The following SYNE2 variants were observed in gnomAD, a reference collection of about 807,000 sequenced individuals.
The protein encoded by SYNE2 is nesprin-2.
A neutral mutation model predicts 856.3 loss-of-function variants in SYNE2; 431 were observed. The observed-to-expected ratio is 0.50, with a 90% CI of 0.47 to 0.55. The LOEUF (loss-of-function observed/expected upper bound fraction) is 0.55, where lower values mean the gene tolerates loss of function less well. Among genes scored for constraint, SYNE2 ranks in the 20% least tolerant of loss-of-function variants. SYNE2 has a pLI of 0.00. For synonymous variants in SYNE2, 2,923 were observed against 2,872.3 expected, an observed-to-expected ratio of 1.02 and a Z score of -0.56; for missense variants, 8,129 against 8,023.2, an observed-to-expected ratio of 1.01 and a Z score of -0.50.
chr14:64,216,485 C>A, intron 108 of SYNE2, 98 bp downstream of exon 108: 2 of 1,326,194 alleles, frequency 1.5e-6, no homozygotes, highest in Non-Finnish European at 2.2e-6. Context: ...TGTATTCATT[C>A]CCCAGGCATA....
At chr14:63,960,703 T>G in intron 8 of SYNE2, 1 of 755,110 alleles carries the variant, frequency 1.3e-6, no homozygotes, top group East Asian at 2.4e-5. Flanking sequence ...GCATTCACCC[T>G]TTTGTGATTT....
chr14:63,997,506 A>G (rs1051093634), intron 25 of SYNE2, 115 bp downstream of exon 25: 2 of 927,788 alleles, frequency 2.2e-6, no homozygotes, highest in Non-Finnish European at 3.4e-6. Flanking sequence ...TGTTTTTATC[A>G]ATGGAGAATT....
At position 64,024,922 on chromosome 14, in the gene SYNE2, G is replaced by T; in HGVS notation, c.5851G>T (p.Asp1951Tyr). 1.9e-6 allele frequency: 3 copies of T among 1,613,786 alleles called. No individual in the cohort carries two copies. The South Asian group carries it at 3.3e-5, about 18-fold the overall frequency. ...SLQQLLRLQD[D>Y]HRNLRKWLTN... is the part of the protein sequence containing the mutation. ...GTAATGCTCTTTTAGACTCCAGGAT[G>T]ACCATAGAAACCTGAGGAAGTGGTT... Residue 1951 changes from aspartate (D) to tyrosine (Y), a missense_variant, in exon 40 of 116, where the codon GAC (aspartate) becomes TAC (tyrosine). Transcript: ENST00000555002.
At chr14:64,191,198 A>G in intron 99 of SYNE2, 1 of 301,182 alleles carries the variant, frequency 3.3e-6, no homozygotes, top group Non-Finnish European at 5.8e-6. Flanking sequence ...TAAATTTAAT[A>G]ATTTAAATTA....
rs766418680 is a variant in SYNE2, at chr14:64,202,795, G to A, written c.18039-6G>A. On this transcript the variant is annotated splice_region_variant and splice_polypyrimidine_tract_variant and intron_variant, in intron 99 of 115. Coordinates refer to ENST00000555002, the MANE Select transcript of SYNE2 (RefSeq NM_182914.3). ...TTTCGTTTTGTTTTTCTGCAAATATGTGTAGGGTGAAGAAGCTGAAGGAGA... is the reference window on the plus strand; with the variant it reads ...TTTCGTTTTGTTTTTCTGCAAATATATGTAGGGTGAAGAAGCTGAAGGAGA... The A allele has an allele frequency of 1.9e-6, 3 of 1,614,052 alleles. No individual in the cohort carries two copies. Among genetic ancestry groups the A allele is most frequent in the Non-Finnish European group, 2.5e-6 (3 of 1,180,002 alleles).
intron 83 of SYNE2, among the ~76,000 whole-genome samples, chr14:64,144,543 A>G (rs1273724735): frequency 1.3e-5 from 2 of 152,240 alleles, no homozygotes; most frequent in African/African-American, 4.8e-5. Flanking sequence ...ATAGTTAGCA[A>G]ATAAACATGG....
intron 1 of SYNE2, among the ~76,000 whole-genome samples, chr14:63,773,908 T>G (rs1455678579): frequency 1.3e-5 from 2 of 152,232 alleles, no homozygotes; most frequent in Non-Finnish European, 2.9e-5. Context: ...TACGATTATA[T>G]ATTTAGCAAT....
At chr14:64,219,096 G>GTTTTTTGGTTT (rs2098680349) in intron 109 of SYNE2, 112 bp from the exon 110 acceptor site, 1 of 751,160 alleles carries the variant, frequency 1.3e-6, no homozygotes, top group Admixed American at 3.2e-5. Context: ...ATCCCCTACA[G>GTTTTTTGGTTT]TTTTTTTGTT....
intron 2 of SYNE2, among the ~76,000 whole-genome samples, chr14:63,921,543 A>G (rs1228543315): frequency 1.3e-5 from 2 of 152,214 alleles, no homozygotes; most frequent in Non-Finnish European, 2.9e-5. Context: ...CATGGACCCC[A>G]GAGAAGGAGA....
intron 96 of SYNE2, among the ~76,000 whole-genome samples, chr14:64,179,798 T>C (rs766053270): frequency 3.2e-4 from 49 of 152,248 alleles, no homozygotes; most frequent in Non-Finnish European, 6.6e-4. Flanking sequence ...ACTGAGTATA[T>C]ACATTGCAAA....
At chr14:63,999,745 C>CAA (rs560597501) in intron 27 of SYNE2, among the ~76,000 whole-genome samples, 57 of 152,350 alleles carry the variant, frequency 3.7e-4, no homozygotes, top group African/African-American at 1.2e-3. Context: ...AGGGAACCCT[C>CAA]ACAGATGGAG....
intron 32 of SYNE2, 124 bp from the exon 33 acceptor site, chr14:64,016,349 T>C: frequency 1.5e-6 from 1 of 647,420 alleles, no homozygotes; most frequent in South Asian, 2.2e-5. Context: ...AAAAGAACAA[T>C]GTAAGAAGGT....
intron 1 of SYNE2, among the ~76,000 whole-genome samples, chr14:63,858,521 A>C (rs1424099887): frequency 6.6e-6 from 1 of 151,538 alleles, no homozygotes; most frequent in East Asian, 1.9e-4. Flanking sequence ...GGTTCAAGCG[A>C]TTCTCCTGCC....
At chr14:63,868,826 A>G (rs1436318108) in intron 1 of SYNE2, among the ~76,000 whole-genome samples, 1 of 152,190 alleles carries the variant, frequency 6.6e-6, no homozygotes, top group Non-Finnish European at 1.5e-5. Flanking sequence ...ATCTGCATCC[A>G]TGAGCTTGGC....
chr14:64,081,499 A>G lies in SYNE2; in HGVS notation c.11403A>G (p.Ile3801Met). Reference sequence around the variant, plus strand: ...TTCTGAAGAGCACTGAGGCTTGGATAGAAAATACCAGTCATTTGCTGGCCA... The same window carrying G: ...TTCTGAAGAGCACTGAGGCTTGGATGGAAAATACCAGTCATTTGCTGGCCA... The part of the protein sequence containing the change: ...SDLLKSTEAW[I>M]ENTSHLLANP... The change falls in exon 57 of 116, where the codon ATA (isoleucine) becomes ATG (methionine). Residue 3801 changes from isoleucine to methionine, a missense_variant. By Grantham distance (10) the Ile-to-Met change is conservative. This residue lies in a region of SYNE2 where 5,410 missense variants were observed against 5,284.8 expected (regional missense o/e 1.02). Transcript: ENST00000555002. 1 of 1,614,212 alleles carries G rather than the reference A, an allele frequency of 6.2e-7. No individual in the cohort carries two copies. Among genetic ancestry groups the G allele is most frequent in the Non-Finnish European group, 8.5e-7 (1 of 1,180,030 alleles).
intron 1 of SYNE2, among the ~76,000 whole-genome samples, chr14:63,776,412 G>T (rs1364785741): frequency 1.3e-5 from 2 of 152,078 alleles, no homozygotes; most frequent in East Asian, 3.9e-4. Context: ...TAATGAAAAT[G>T]TTAAATAGTA....
chr14:64,202,233 T>C (rs1183313098), intron 99 of SYNE2: 11 of 702,282 alleles, frequency 1.6e-5, no homozygotes, highest in Non-Finnish European at 2.9e-5. Flanking sequence ...TGGTTCAATG[T>C]ATACGGCTGG....
chr14:64,165,999 A>G (rs1325449047), intron 90 of SYNE2, among the ~76,000 whole-genome samples: 2 of 152,178 alleles, frequency 1.3e-5, no homozygotes, highest in African/African-American at 4.8e-5. Context: ...GTTGTGATTA[A>G]TTGAATTTTT....
At chr14:64,098,307 T>C (rs1047443085) in intron 62 of SYNE2, 161 bp downstream of exon 62, 3 of 792,302 alleles carry the variant, frequency 3.8e-6, no homozygotes, top group Non-Finnish European at 6.4e-6. Context: ...CTAGTGAATA[T>C]AAATCCTCAG....
Sources: gnomAD v4.1 joint callset for allele counts (sites outside exome capture counted in the v4.1 genomes callset) on GRCh38, gnomAD v4.1.1 for gene constraint, gnomAD v4.1.1 regional missense constraint, MANE v1.5 for transcripts, NCBI Gene and HGNC (gene_info 2026-07-23, HGNC 2026-07-21) for gene names.